Variants in C9orf85 observed in about 807,000 individuals in gnomAD.
The protein encoded by C9orf85 is uncharacterized protein C9orf85.
In C9orf85, 16 loss-of-function variants were observed where a neutral mutation model predicts 14.9. That is an observed-to-expected ratio of 1.08 (90% CI 0.73 to 1.63). The LOEUF (loss-of-function observed/expected upper bound fraction) is 1.63, where lower values mean the gene tolerates loss of function less well. Among genes scored for constraint, C9orf85 ranks in the 40% most tolerant of loss-of-function variants. The probability of loss-of-function intolerance (pLI) is 0.00; values close to 1 mark genes in which losing one functional copy is unlikely to be tolerated. For missense variants in C9orf85, 172 were observed against 186.1 expected, an observed-to-expected ratio of 0.92 and a Z score of 0.44; for synonymous variants, 45 against 56.8, an observed-to-expected ratio of 0.79 and a Z score of 0.93.
chr9:71,985,378 C>G (rs1823191936), downstream of C9orf85: 1 of 152,222 alleles, frequency 6.6e-6, no homozygotes, highest in Non-Finnish European at 1.5e-5. Flanking sequence ...CGTTAAATAA[C>G]AGACTTAGTC....
At chr9:71,964,796 A>G (rs1822643498) in intron 2 of C9orf85, among the ~76,000 whole-genome samples, 1 of 152,168 alleles carries the variant, frequency 6.6e-6, no homozygotes, top group African/African-American at 2.4e-5. Context: ...AAGGAATGAA[A>G]TCTTGGGCCA....
chr9:71,972,880 A>G lies in C9orf85; in HGVS notation c.*38A>G, dbSNP rs1218901545. 3 of 1,542,666 alleles carry G rather than the reference A, an allele frequency of 1.9e-6. No individual in the cohort carries two copies. The highest frequency in any genetic ancestry group is 2.6e-6 in the Non-Finnish European group (3 of 1,137,580). On this transcript the variant is annotated 3_prime_UTR_variant, in exon 4 of 4. Transcript: ENST00000334731. ...AAAAGTCTGCCGGGCACAGTGGCTC[A>G]CGCCTGTAATCCCAACACTTTGGGA...
At chr9:71,935,517 G>A (rs13287381) in intron 1 of C9orf85, among the ~76,000 whole-genome samples, 17,051 of 151,756 alleles carry the variant, frequency 0.11, 1,097 homozygotes, top group Middle Eastern at 0.15. Flanking sequence ...AAAAAGCCAG[G>A]CGCAGTGGCT....
intron 1 of C9orf85, among the ~76,000 whole-genome samples, chr9:71,923,939 A>G (rs899503806): frequency 1.3e-5 from 2 of 152,154 alleles, no homozygotes; most frequent in East Asian, 1.9e-4. Flanking sequence ...CACTCCCTAG[A>G]TAGAACAAAT....
intron 3 of C9orf85, among the ~76,000 whole-genome samples, chr9:71,980,460 G>A (rs73478003): frequency 0.035 from 5,387 of 152,232 alleles, 333 homozygotes; most frequent in African/African-American, 0.12. Flanking sequence ...GGTTAGAAAA[G>A]ATGGTCTAGA....
intron 2 of C9orf85, among the ~76,000 whole-genome samples, chr9:71,970,681 C>T (rs1822835645): frequency 1.3e-5 from 2 of 152,036 alleles, no homozygotes; most frequent in African/African-American, 2.4e-5. Flanking sequence ...TTTGGCTATC[C>T]TGGGTGCCTA....
At chr9:71,976,704 A>C (rs1455217199), downstream of C9orf85, among the ~76,000 whole-genome samples, 1 of 141,704 alleles carries the variant, frequency 7.1e-6, no homozygotes, top group Admixed American at 7.8e-5. Context: ...ATTGTGGTTC[A>C]TTTGGTCTGG....
chr9:71,922,345 C>T (rs1475009254), intron 1 of C9orf85, among the ~76,000 whole-genome samples: 6 of 152,102 alleles, frequency 3.9e-5, no homozygotes, highest in African/African-American at 1.4e-4. Flanking sequence ...TTCAATGCTC[C>T]CTCCCCTAAT....
At chr9:71,912,378 G>A (rs1276713734) in intron 1 of C9orf85, among the ~76,000 whole-genome samples, 1 of 152,152 alleles carries the variant, frequency 6.6e-6, no homozygotes, top group Non-Finnish European at 1.5e-5. Context: ...TTTATCTTTA[G>A]CAGGACTTCT....
chr9:71,965,730 C>A (rs1332734684), intron 2 of C9orf85, among the ~76,000 whole-genome samples: 1 of 152,088 alleles, frequency 6.6e-6, no homozygotes, highest in Non-Finnish European at 1.5e-5. Context: ...ACTGTGCCCA[C>A]CCAATAGTAG....
intron 2 of C9orf85, among the ~76,000 whole-genome samples, chr9:71,969,283 G>T (rs1822793103): frequency 6.6e-6 from 1 of 151,996 alleles, no homozygotes; most frequent in African/African-American, 2.4e-5. Flanking sequence ...CAAGTAGCTG[G>T]GATTACACCA....
exon 4 of C9orf85, chr9:71,982,711 C>T (rs1823118798): frequency 2.7e-6 from 1 of 367,758 alleles, no homozygotes; most frequent in Non-Finnish European, 5.1e-6. Flanking sequence ...TCTTGGCTCA[C>T]CACAACCTCC....
chr9:71,970,298 T>TGG (rs1267232163), intron 2 of C9orf85, among the ~76,000 whole-genome samples: 2 of 152,332 alleles, frequency 1.3e-5, no homozygotes, highest in Non-Finnish European at 2.9e-5. Context: ...GCCCAGAATA[T>TGG]GGTCTGTCTT....
intron 1 of C9orf85, among the ~76,000 whole-genome samples, chr9:71,929,330 T>C (rs1216291801): frequency 2.0e-5 from 3 of 152,224 alleles, no homozygotes; most frequent in Non-Finnish European, 2.9e-5. Context: ...ACTTGGGGCA[T>C]ACCGTACCGG....
At chr9:71,936,178 T>G (rs1828186230) in intron 1 of C9orf85, among the ~76,000 whole-genome samples, 1 of 152,098 alleles carries the variant, frequency 6.6e-6, no homozygotes, top group Non-Finnish European at 1.5e-5. Flanking sequence ...CTCAAGGATT[T>G]CTGTGAGGAG....
At chr9:71,924,556 C>T (rs931305471) in intron 1 of C9orf85, among the ~76,000 whole-genome samples, 5 of 152,158 alleles carry the variant, frequency 3.3e-5, no homozygotes, top group Non-Finnish European at 7.3e-5. Context: ...ACTAATCAGA[C>T]CCAGTTTTGG....
chr9:71,954,028 A>G (rs1017160331), intron 2 of C9orf85, among the ~76,000 whole-genome samples: 1 of 151,208 alleles, frequency 6.6e-6, no homozygotes, highest in African/African-American at 2.4e-5. Context: ...CTGGAAGATC[A>G]CTTGAGCCTG....
chr9:71,943,128 T>TA (rs1376186966), intron 1 of C9orf85, among the ~76,000 whole-genome samples: 1 of 152,156 alleles, frequency 6.6e-6, no homozygotes, highest in Non-Finnish European at 1.5e-5. Flanking sequence ...AGTAGTGGCA[T>TA]AAAATACCTT....
chr9:71,971,552 G>T lies in C9orf85; in HGVS notation c.257G>T (p.Cys86Phe), dbSNP rs762543748. The change falls in exon 3 of 4, where the codon TGC (cysteine) becomes TTC (phenylalanine). Residue 86 changes from cysteine (C) to phenylalanine (F), a missense_variant. Cys to Phe is a radical substitution (Grantham distance 205, BLOSUM62 -2). Transcript: ENST00000334731. Reference protein sequence around the residue: ...KTVKDSYHIMCRPCACELEVC... With the variant: ...KTVKDSYHIMFRPCACELEVC... ...GTGAAGGATTCTTATCACATAATGT[G>T]CAGGCCATGTGCCTGTGAACTTGAA... 1.9e-6 allele frequency: 3 copies of T among 1,612,340 alleles called. No individual in the cohort carries two copies. In the African/African-American group the frequency reaches 4.0e-5, roughly 22 times the overall value.
Sources: allele counts gnomAD v4.1 joint callset (sites outside exome capture counted in the v4.1 genomes callset), GRCh38; gene constraint gnomAD v4.1.1; transcripts MANE v1.5; gene names NCBI Gene and HGNC (gene_info 2026-07-23, HGNC 2026-07-21).